The following GLDN variants were observed in gnomAD, a reference collection of about 807,000 sequenced individuals.
GLDN encodes the protein collomin.
GLDN carries 47 observed loss-of-function variants against 56.5 expected under a neutral mutation model. The observed-to-expected ratio is 0.83, with a 90% CI of 0.66 to 1.06. The LOEUF (loss-of-function observed/expected upper bound fraction) is 1.06. GLDN is among the 50% of genes least tolerant of loss of function. GLDN has a pLI of 0.00. For missense variants in GLDN, 782 were observed against 714.3 expected, an observed-to-expected ratio of 1.09 and a Z score of -1.08; for synonymous variants, 332 against 278.8, an observed-to-expected ratio of 1.19 and a Z score of -1.90.
chr15:51,399,122 C>A (rs1370340302), intron 6 of GLDN, among the ~76,000 whole-genome samples: 3 of 152,172 alleles, frequency 2.0e-5, no homozygotes, highest in African/African-American at 7.2e-5. Flanking sequence ...TAAGTGGAAA[C>A]CCCAGTTGAA....
At chr15:51,395,331 A>T (rs1053524696) in intron 5 of GLDN, among the ~76,000 whole-genome samples, 1 of 152,230 alleles carries the variant, frequency 6.6e-6, no homozygotes, top group Non-Finnish European at 1.5e-5. Context: ...AACTGACAGG[A>T]AGCACAAGCG....
At chr15:51,367,475 G>A (rs1045944059) in intron 1 of GLDN, 1 of 151,440 alleles carries the variant, frequency 6.6e-6, no homozygotes, top group African/African-American at 2.5e-5. Flanking sequence ...ACCAACACTT[G>A]GTAATTATTT....
rs762763177 is a variant in GLDN at position 51,397,603 on chromosome 15, C to T, written c.817+5C>T. ...TGTTCAACGGCCAGTGCCCAGGTCA[C>T]CACCTCTCCCCTACGGGGCCCACCT... On this transcript the variant is annotated splice_donor_5th_base_variant and intron_variant, in intron 6 of 9. Coordinates refer to ENST00000335449, the MANE Select transcript of GLDN (RefSeq NM_181789.4). 1.9e-6 allele frequency: 3 copies of T among 1,578,208 alleles called. No individual in the cohort carries two copies. Among genetic ancestry groups the T allele is most frequent in the South Asian group, 2.3e-5 (2 of 85,808 alleles).
chr15:51,364,356 T>G (rs1303470026), intron 1 of GLDN, among the ~76,000 whole-genome samples: 1 of 152,212 alleles, frequency 6.6e-6, no homozygotes, highest in Non-Finnish European at 1.5e-5. Flanking sequence ...TAATTTGCCC[T>G]TAGTCCTATC....
Position 51,407,299 on chromosome 15 carries a change from T to C in GLDN, c.*2545T>C, listed in dbSNP as rs1349976791. 1 of 152,204 alleles carries C rather than the reference T, an allele frequency of 6.6e-6. No individual in the cohort carries two copies. The highest frequency in any genetic ancestry group is 1.5e-5 in the Non-Finnish European group (1 of 68,032). The allele number at this position is 152,204 out of a possible 1,614,324, so 9.4% of individuals were successfully genotyped here. ...AAGATTTTATTCTTTCTTGTAAACA[T>C]TACTTGATTTTTTAAAGAAGTTTTG... is the stretch of plus-strand genomic sequence containing the variant. On this transcript the variant is annotated 3_prime_UTR_variant, in exon 10 of 10. Transcript: ENST00000335449.
chr15:51,353,734 A>ACC (rs1555401994), intron 1 of GLDN, among the ~76,000 whole-genome samples: 1 of 128,864 alleles, frequency 7.8e-6, no homozygotes, highest in Non-Finnish European at 1.6e-5. Context: ...AAAAAAAAAA[A>ACC]CCACAGTCAA....
intron 1 of GLDN, among the ~76,000 whole-genome samples, chr15:51,352,110 T>C (rs549271250): frequency 6.6e-6 from 1 of 152,278 alleles, no homozygotes; most frequent in East Asian, 1.9e-4. Flanking sequence ...CTTATGGTTC[T>C]GGCAGCTGGG....
downstream of GLDN, among the ~76,000 whole-genome samples, chr15:51,409,766 G>A (rs765715204): frequency 1.3e-5 from 2 of 152,172 alleles, no homozygotes; most frequent in South Asian, 2.1e-4. Context: ...TTCACCCCAC[G>A]TGCAGCTTCA....
chr15:51,362,828 CAGTGGAGATGATA>C (rs1441750292), intron 1 of GLDN, among the ~76,000 whole-genome samples: 4 of 152,032 alleles, frequency 2.6e-5, no homozygotes, highest in Non-Finnish European at 5.9e-5. Flanking sequence ...CAAGTGAAAG[CAGTGGAGATGATA>C]AGTGGATGGG....
At chr15:51,398,253 T>C (rs1049430696) in intron 6 of GLDN, among the ~76,000 whole-genome samples, 4 of 152,252 alleles carry the variant, frequency 2.6e-5, no homozygotes, top group African/African-American at 9.6e-5. Context: ...ATTCACACTT[T>C]GAGACCTGAC....
chr15:51,412,112 T>C (rs1226602787), downstream of GLDN, among the ~76,000 whole-genome samples: 1 of 152,214 alleles, frequency 6.6e-6, no homozygotes, highest in Non-Finnish European at 1.5e-5. Flanking sequence ...ACTCGTACAA[T>C]TCTCATGGGA....
At chr15:51,385,509 A>G (rs1379631832) in intron 4 of GLDN, 1 of 152,260 alleles carries the variant, frequency 6.6e-6, no homozygotes, top group Non-Finnish European at 1.5e-5. Context: ...CGAGGCTTAC[A>G]TCCTAGCTGG....
intron 1 of GLDN, among the ~76,000 whole-genome samples, chr15:51,364,068 T>A (rs768513190): frequency 3.5e-4 from 53 of 152,328 alleles, no homozygotes; most frequent in Non-Finnish European, 6.5e-4. Context: ...ATTTTCTTCA[T>A]GTTTCTTGTC....
At position 51,362,947 on chromosome 15, in the gene GLDN, G is replaced by A. The variant is rs1239760737; in HGVS notation, c.364-14502G>A. ...TAAAATTTTCTGACAGTTTTAATGTGATGTGAGAGGGGAAAAAAATAGAGG... is the reference window on the plus strand; with the variant it reads ...TAAAATTTTCTGACAGTTTTAATGTAATGTGAGAGGGGAAAAAAATAGAGG... On this transcript the variant is annotated intron_variant, in intron 1 of 9. Coordinates refer to ENST00000335449, the MANE Select transcript of GLDN (RefSeq NM_181789.4). Among the ~76,000 whole-genome samples, 3 of 125,032 alleles carry A rather than the reference G, an allele frequency of 2.4e-5. No individual in the cohort carries two copies. In the Admixed American group the frequency reaches 2.7e-4, roughly 11 times the overall value. The allele number at this position is 125,032 out of a possible 152,430, so 82.0% of individuals were successfully genotyped here. A position where few individuals can be genotyped will look rare whatever the true frequency, so the allele number is the denominator to read the frequency against.
chr15:51,394,827 T>C lies in GLDN; in HGVS notation c.542-8T>C, dbSNP rs1314569892. The C allele has an allele frequency of 6.2e-7, 1 of 1,613,804 alleles. No homozygotes were observed. The highest frequency in any genetic ancestry group is 2.2e-5 in the East Asian group (1 of 44,886). Reference sequence around the variant, plus strand: ...ATAGGCTAATATGTCTTTTGTTTTTTTGGTCAGGGATACCTGGAGCTGCAG... The same window carrying C: ...ATAGGCTAATATGTCTTTTGTTTTTCTGGTCAGGGATACCTGGAGCTGCAG... On this transcript the variant is annotated splice_polypyrimidine_tract_variant and splice_region_variant and intron_variant, in intron 4 of 9. Coordinates refer to ENST00000335449, the MANE Select transcript of GLDN (RefSeq NM_181789.4).
chr15:51,362,214 G>C (rs1225340855), intron 1 of GLDN, among the ~76,000 whole-genome samples: 1 of 152,172 alleles, frequency 6.6e-6, no homozygotes, highest in African/African-American at 2.4e-5. Flanking sequence ...GCCGGGCATG[G>C]TGGCTCATGC....
At chr15:51,409,506 A>C (rs894022789), downstream of GLDN, among the ~76,000 whole-genome samples, 1 of 152,232 alleles carries the variant, frequency 6.6e-6, no homozygotes, top group African/African-American at 2.4e-5. Flanking sequence ...TTTCCTCCAA[A>C]CACTCTGCTA....
intron 6 of GLDN, among the ~76,000 whole-genome samples, chr15:51,398,190 C>T (rs115976401): frequency 0.011 from 1,673 of 152,370 alleles, 38 homozygotes; most frequent in African/African-American, 0.039. Context: ...TCAAACCCAG[C>T]TCTGCCTAAC....
intron 4 of GLDN, among the ~76,000 whole-genome samples, chr15:51,389,761 G>C (rs1483237977): frequency 6.6e-6 from 1 of 152,178 alleles, no homozygotes; most frequent in Non-Finnish European, 1.5e-5. Context: ...ATTAACCGCA[G>C]GGAGAGAACA....
Sources: allele counts gnomAD v4.1 joint callset (sites outside exome capture counted in the v4.1 genomes callset), GRCh38; gene constraint gnomAD v4.1.1; transcripts MANE v1.5; gene names NCBI Gene and HGNC (gene_info 2026-07-23, HGNC 2026-07-21).